Variants in SAV1 observed in about 807,000 individuals in gnomAD.
The protein encoded by SAV1 is protein salvador homolog 1.
Under a neutral mutation model 47.3 loss-of-function variants are expected in SAV1, and 23 were observed. The ratio of observed to expected loss-of-function variants is 0.49; its 90% CI spans 0.35 to 0.69. The LOEUF (loss-of-function observed/expected upper bound fraction) is 0.69. Among genes scored for constraint, SAV1 ranks in the 30% least tolerant of loss-of-function variants. SAV1 has a pLI of 0.01. For missense variants in SAV1, 448 were observed against 457.4 expected (o/e 0.98, Z 0.19); for synonymous variants, 155 against 159.2 (o/e 0.97, Z 0.20).
intron 2 of SAV1, among the ~76,000 whole-genome samples, chr14:50,662,027 C>T (rs1452499835): frequency 6.6e-6 from 1 of 152,178 alleles, no homozygotes; most frequent in Non-Finnish European, 1.5e-5. Context: ...ATAGGGATTG[C>T]ATTCAATCTG....
At chr14:50,651,812 G>T (rs1316289771) in intron 2 of SAV1, among the ~76,000 whole-genome samples, 1 of 151,890 alleles carries the variant, frequency 6.6e-6, no homozygotes, top group African/African-American at 2.4e-5. Flanking sequence ...ATTATTTTTT[G>T]TAAAGACAGG....
In SAV1 at chr14:50,667,867, C is replaced by T. The variant is rs1317791596; in HGVS notation, c.94+7G>A. ...CCAGGTGTGGGCACGCCCCGCCTGACACTCACTCCGAAGCAGAGGCGACGT... is the reference window on the plus strand; with the variant it reads ...CCAGGTGTGGGCACGCCCCGCCTGATACTCACTCCGAAGCAGAGGCGACGT... On this transcript the variant is annotated splice_region_variant and intron_variant, in intron 1 of 4. Coordinates refer to ENST00000324679, the MANE Select transcript of SAV1 (RefSeq NM_021818.4). 6.2e-7 allele frequency: 1 copy of T among 1,612,748 alleles called. No homozygotes were observed. Among genetic ancestry groups the T allele is most frequent in the East Asian group, 2.2e-5 (1 of 44,810 alleles).
intron 3 of SAV1, among the ~76,000 whole-genome samples, chr14:50,641,982 G>C (rs1010231882): frequency 1.3e-5 from 2 of 152,148 alleles, no homozygotes; most frequent in African/African-American, 4.8e-5. Context: ...TGGTGGGCTG[G>C]ATAAAGAAAA....
intron 2 of SAV1, chr14:50,664,176 C>CACAAATAAGGTACTAG (rs1299775396): frequency 9.9e-5 from 15 of 152,116 alleles, no homozygotes; most frequent in African/African-American, 3.1e-4. Flanking sequence ...GTTTTGTTTC[C>CACAAATAAGGTACTAG]ACAAATAAGG....
intron 2 of SAV1, chr14:50,662,729 A>T (rs781588515): frequency 2.0e-5 from 3 of 152,242 alleles, no homozygotes; most frequent in Non-Finnish European, 4.4e-5. Flanking sequence ...AACCTCAGGT[A>T]GAAAAGTATT....
At chr14:50,667,564 A>C in intron 1 of SAV1, 2 of 482,212 alleles carry the variant, frequency 4.1e-6, no homozygotes. Flanking sequence ...GTGATAAGCA[A>C]TTTAAATGTT....
intron 2 of SAV1, chr14:50,664,640 C>T (rs1196641531): frequency 6.6e-6 from 1 of 152,254 alleles, no homozygotes; most frequent in South Asian, 2.1e-4. Flanking sequence ...ACATAATTAA[C>T]CATATGACAA....
rs775249609 is a variant in SAV1 at position 50,667,926 on chromosome 14, C to G, written c.42G>C (p.Pro14=). The G allele has an allele frequency of 2.5e-6, 4 of 1,612,636 alleles. No individual in the cohort carries two copies. The highest frequency in any genetic ancestry group is 3.4e-6 in the Non-Finnish European group (4 of 1,179,480). ...RKKTKNEVSK[P]AEVQGKYVKK... is the part of the protein sequence containing the mutation. ...TCACGTACTTCCCCTGCACCTCGGCCGGCTTGGACACTTCGTTTTTGGTTT... is the reference window on the plus strand; with the variant it reads ...TCACGTACTTCCCCTGCACCTCGGCGGGCTTGGACACTTCGTTTTTGGTTT... The change falls in exon 1 of 5, where the codon CCG becomes CCC. Residue 14 remains proline, a synonymous_variant. Transcript: ENST00000324679.
chr14:50,649,095 G>A (rs79262525), intron 2 of SAV1, among the ~76,000 whole-genome samples: 7,459 of 152,064 alleles, frequency 0.049, 199 homozygotes, highest in African/African-American at 0.067. Flanking sequence ...TCTCAAACAC[G>A]GCAGGTACTG....
At chr14:50,642,895 C>T (rs746883758) in intron 3 of SAV1, among the ~76,000 whole-genome samples, 8 of 152,290 alleles carry the variant, frequency 5.3e-5, no homozygotes, top group African/African-American at 1.7e-4. Context: ...AAGTCAGGTA[C>T]GCCTGGATTT....
At chr14:50,649,046 C>T (rs554484135) in intron 2 of SAV1, among the ~76,000 whole-genome samples, 1 of 152,214 alleles carries the variant, frequency 6.6e-6, no homozygotes, top group East Asian at 1.9e-4. Flanking sequence ...TTACCCTTAG[C>T]TCACTCTGTT....
chr14:50,649,107 C>T (rs1341893449), intron 2 of SAV1, among the ~76,000 whole-genome samples: 2 of 152,128 alleles, frequency 1.3e-5, no homozygotes, highest in Non-Finnish European at 2.9e-5. Context: ...CAGGTACTGG[C>T]TGTTTATTCT....
At chr14:50,655,559 G>A (rs893523373) in intron 2 of SAV1, among the ~76,000 whole-genome samples, 1 of 151,760 alleles carries the variant, frequency 6.6e-6, no homozygotes, top group African/African-American at 2.4e-5. Flanking sequence ...CCGAGTAGGT[G>A]AGATTACAGG....
chr14:50,635,709 C>T (rs1304949838), intron 4 of SAV1, among the ~76,000 whole-genome samples: 1 of 152,066 alleles, frequency 6.6e-6, no homozygotes. Flanking sequence ...ACATATAATT[C>T]TTTGTTGGTT....
intron 2 of SAV1, among the ~76,000 whole-genome samples, chr14:50,650,901 T>C (rs1038053916): frequency 6.6e-6 from 1 of 152,030 alleles, no homozygotes; most frequent in Non-Finnish European, 1.5e-5. Context: ...CACATGCCTG[T>C]AGTCCCAGCT....
intron 4 of SAV1, among the ~76,000 whole-genome samples, chr14:50,639,998 C>T (rs1296973471): frequency 1.3e-5 from 2 of 152,062 alleles, no homozygotes; most frequent in Non-Finnish European, 2.9e-5. Flanking sequence ...AGTAGGGGGG[C>T]AGTCAGGGTC....
At chr14:50,645,399 T>C (rs1380080346) in intron 2 of SAV1, among the ~76,000 whole-genome samples, 1 of 152,164 alleles carries the variant, frequency 6.6e-6, no homozygotes, top group Non-Finnish European at 1.5e-5. Flanking sequence ...TGATGAGTCA[T>C]AGTCAAAATT....
chr14:50,648,084 T>C (rs1367447055), intron 2 of SAV1, among the ~76,000 whole-genome samples: 1 of 152,228 alleles, frequency 6.6e-6, no homozygotes, highest in East Asian at 1.9e-4. Flanking sequence ...GTGGTGCAAC[T>C]GTACAGTGAA....
Position 50,634,154 on chromosome 14 carries a change from T to TA in SAV1, c.*1028dup, listed in dbSNP as rs1267487340. 2.2e-6 allele frequency: 1 copy of TA among 455,344 alleles called. No individual in the cohort carries two copies. Among genetic ancestry groups the TA allele is most frequent in the Non-Finnish European group, 4.4e-6 (1 of 226,438 alleles). 28.2% of individuals were successfully genotyped at this position (455,344 alleles called of 1,614,324 possible). ...CTCCACTGCCTCGTCAGAGCCATGCTAAATGCAGTAACAGCACTGGCTGAA... is the reference window on the plus strand; with the variant it reads ...CTCCACTGCCTCGTCAGAGCCATGCTAAAATGCAGTAACAGCACTGGCTGAA... On this transcript the variant is annotated 3_prime_UTR_variant, in exon 5 of 5. Coordinates refer to ENST00000324679, the MANE Select transcript of SAV1 (RefSeq NM_021818.4).
Sources: allele counts gnomAD v4.1 joint callset (sites outside exome capture counted in the v4.1 genomes callset), GRCh38; gene constraint gnomAD v4.1.1; transcripts MANE v1.5; gene names NCBI Gene and HGNC (gene_info 2026-07-23, HGNC 2026-07-21).